Variants in RASA3 observed in about 807,000 individuals in gnomAD.
The protein encoded by RASA3 is RAS p21 protein activator 3.
Under a neutral mutation model 110.0 loss-of-function variants are expected in RASA3, and 73 were observed. The ratio of observed to expected loss-of-function variants is 0.66; its 90% CI spans 0.55 to 0.81. The LOEUF is 0.81. RASA3 is among the 30% of genes least tolerant of loss of function. RASA3 has a pLI of 0.00. For synonymous variants in RASA3, 500 were observed against 451.4 expected (o/e 1.11, Z -1.37); for missense variants, 976 against 1,113.2 (o/e 0.88, Z 1.75).
In RASA3 at chr13:113,981,791, G is replaced by A. The variant is rs181750690; in HGVS notation, c.2313C>T (p.Asp771=). 2.6e-5 allele frequency: 42 copies of A among 1,613,988 alleles called. No individual in the cohort carries two copies. In the Admixed American group the frequency reaches 3.8e-4, roughly 15 times the overall value. Residue 771 remains aspartate, a synonymous_variant, in exon 23 of 24, where the codon GAC becomes GAT. Transcript: ENST00000334062. ...EQEEYSTFVI[D]DPQETYKTLK... ...GCGTCTTGTAGGTCTCCTGGGGGTC[G>A]TCAATGACGAACGTCGAATACTCCT...
rs1237686994 is a variant in RASA3 at position 114,011,688 on chromosome 13, C to T, written c.1513-440G>A. On this transcript the variant is annotated intron_variant, in intron 15 of 23. Coordinates refer to ENST00000334062, the MANE Select transcript of RASA3 (RefSeq NM_007368.4). The surrounding 1 kb of genome is among the most constrained non-coding windows in gnomAD (Gnocchi z 4.8). ...CTGTAATCCCAGCACTTCGGGAGGC[C>T]GAGGCAGGTAGATCACTTGAGGTCA... 1.3e-5 allele frequency among the ~76,000 whole-genome samples: 2 copies of T among 152,086 alleles called. No homozygotes were observed. The highest frequency in any genetic ancestry group is 2.4e-5 in the African/African-American group (1 of 41,488).
At position 113,978,263 on chromosome 13, in the gene RASA3, G is replaced by A. The variant is rs2139012802; in HGVS notation, c.*1084C>T. ...ATAACACAGGTGCAATACTGACCAT[G>A]GGCCCTGGAGGGACGTCTGCACCCC... On this transcript the variant is annotated 3_prime_UTR_variant, in exon 24 of 24. Coordinates refer to ENST00000334062, the MANE Select transcript of RASA3 (RefSeq NM_007368.4). 6.6e-6 allele frequency: 1 copy of A among 152,274 alleles called. No individual in the cohort carries two copies. The highest frequency in any genetic ancestry group is 2.4e-5 in the African/African-American group (1 of 41,544). The allele number at this position is 152,274 out of a possible 1,614,324, so 9.4% of individuals were successfully genotyped here.
chr13:114,052,132 T>C lies in RASA3; in HGVS notation c.197A>G (p.Tyr66Cys). The change falls in exon 3 of 24, where the codon TAC (tyrosine) becomes TGC (cysteine). Residue 66 changes from tyrosine to cysteine, a missense_variant. Transcript: ENST00000334062. Reference sequence around the variant, plus strand: ...ACGAAAGCTCCGAGGAATTTCACAGTAAAAGTCTTCTCCGTAAAACGGGCT... The same window carrying C: ...ACGAAAGCTCCGAGGAATTTCACAGCAAAAGTCTTCTCCGTAAAACGGGCT... ...SLCPFYGEDF[Y>C]CEIPRSFRHL... is the part of the protein sequence containing the mutation. 6.2e-7 allele frequency: 1 copy of C among 1,613,124 alleles called. No individual in the cohort carries two copies.
intron 1 of RASA3, among the ~76,000 whole-genome samples, chr13:114,131,285 C>T (rs2080514284): frequency 6.6e-6 from 1 of 152,076 alleles, no homozygotes; most frequent in Admixed American, 6.5e-5. Flanking sequence ...AGGCCGGCTG[C>T]GAAGTGCGGC....
At chr13:114,051,722 A>G (rs2079150241) in intron 3 of RASA3, among the ~76,000 whole-genome samples, 2 of 146,140 alleles carry the variant, frequency 1.4e-5, no homozygotes, top group South Asian at 4.5e-4. Flanking sequence ...CCCCACATCC[A>G]TGCAAAGGTC....
intron 10 of RASA3, 39 bp from the exon 11 acceptor site, chr13:114,018,291 G>A: frequency 6.5e-7 from 1 of 1,536,824 alleles, no homozygotes; most frequent in Non-Finnish European, 8.8e-7. Context: ...GGCCCGGGGT[G>A]CAGGAACCCC....
intron 2 of RASA3, among the ~76,000 whole-genome samples, chr13:114,068,166 G>A (rs74116464): frequency 2.2e-4 from 34 of 152,348 alleles, no homozygotes; most frequent in African/African-American, 7.7e-4. Context: ...CCTTCTCCCC[G>A]AGATGGGCAT....
intron 4 of RASA3, among the ~76,000 whole-genome samples, chr13:114,039,506 ACACT>A (rs2054352378): frequency 6.6e-6 from 1 of 151,794 alleles, no homozygotes; most frequent in African/African-American, 2.4e-5. Flanking sequence ...CCGCAACCCT[ACACT>A]CAGACACTTA....
chr13:113,979,525 A>G, intron 23 of RASA3, 103 bp from the exon 24 acceptor site: 1 of 897,216 alleles, frequency 1.1e-6, no homozygotes, highest in Non-Finnish European at 1.8e-6. Context: ...ACACACTCAC[A>G]CTGCAATCCA....
chr13:114,070,325 T>C (rs889340772), intron 2 of RASA3, among the ~76,000 whole-genome samples: 1 of 151,880 alleles, frequency 6.6e-6, no homozygotes, highest in Admixed American at 6.5e-5. Flanking sequence ...CTCCCCAGCA[T>C]GTGGGGCAGC....
chr13:114,100,924 AAATT>A (rs2080052083), intron 1 of RASA3, among the ~76,000 whole-genome samples: 3 of 152,192 alleles, frequency 2.0e-5, no homozygotes, highest in Non-Finnish European at 2.9e-5. Context: ...AAAAACTCAG[AAATT>A]GCTTATTTTT....
At chr13:114,005,017 G>C (rs1291759834) in intron 18 of RASA3, among the ~76,000 whole-genome samples, 1 of 152,238 alleles carries the variant, frequency 6.6e-6, no homozygotes, top group Non-Finnish European at 1.5e-5. Flanking sequence ...ATGACTCAGA[G>C]ACGAAAAGCC....
chr13:114,109,144 C>T (rs2080181362), intron 1 of RASA3, among the ~76,000 whole-genome samples: 1 of 152,216 alleles, frequency 6.6e-6, no homozygotes, highest in Non-Finnish European at 1.5e-5. Context: ...GCCTGACAAA[C>T]ACACACGGGC....
intron 1 of RASA3, among the ~76,000 whole-genome samples, chr13:114,106,251 A>T (rs964938692): frequency 2.8e-4 from 43 of 152,324 alleles, no homozygotes; most frequent in African/African-American, 1.0e-3. Context: ...CCGTATCTCC[A>T]CGGAGCAAAA....
chr13:114,028,068 A>C (rs1021134414), intron 5 of RASA3, 141 bp from the exon 6 acceptor site: 13 of 670,930 alleles, frequency 1.9e-5, no homozygotes, highest in Non-Finnish European at 3.1e-5. Context: ...GGGCCACACC[A>C]GCCATTCTGC....
chr13:114,124,650 GTCAGGGGCCTC>G (rs1383828767), intron 1 of RASA3, among the ~76,000 whole-genome samples: 1 of 152,208 alleles, frequency 6.6e-6, no homozygotes, highest in Non-Finnish European at 1.5e-5. Flanking sequence ...CCCAAAACCT[GTCAGGGGCCTC>G]TCAGGGGCCA....
chr13:113,992,340 C>T, intron 22 of RASA3, 145 bp downstream of exon 22: 1 of 559,914 alleles, frequency 1.8e-6, no homozygotes, highest in East Asian at 2.9e-5. Flanking sequence ...TTTTCGCATC[C>T]ATCCGTGCTA....
intron 1 of RASA3, chr13:114,107,779 A>G (rs146252120): frequency 6.6e-6 from 1 of 152,376 alleles, no homozygotes; most frequent in Non-Finnish European, 1.5e-5. Context: ...CTGCAAAAGC[A>G]GGATGAATCA....
intron 1 of RASA3, among the ~76,000 whole-genome samples, chr13:114,089,303 G>T (rs1252273126): frequency 6.7e-6 from 1 of 148,168 alleles, no homozygotes; most frequent in Non-Finnish European, 1.5e-5. Context: ...GGGAGGAGGG[G>T]GGGAGGAGGG....
Sources: allele counts gnomAD v4.1 joint callset (sites outside exome capture counted in the v4.1 genomes callset), GRCh38; gene constraint gnomAD v4.1.1; non-coding constraint Gnocchi (gnomAD v3.1); transcripts MANE v1.5; gene names NCBI Gene and HGNC (gene_info 2026-07-23, HGNC 2026-07-21).